TENM2: variants seen among roughly 807,000 people sequenced by gnomAD.
TENM2 encodes the protein teneurin-2.
A neutral mutation model predicts 245.2 loss-of-function variants in TENM2; 52 were observed. The observed-to-expected ratio is 0.21, with a 90% CI of 0.17 to 0.27. The LOEUF (loss-of-function observed/expected upper bound fraction) is 0.27, where lower values mean the gene tolerates loss of function less well. Among genes scored for constraint, TENM2 ranks in the 10% least tolerant of loss-of-function variants. TENM2 has a pLI of 1.00. For missense variants in TENM2, 3,046 were observed against 3,666.8 expected (o/e 0.83, Z 4.37); for synonymous variants, 1,363 against 1,438.9 (o/e 0.95, Z 1.19).
At chr5:167,560,610 A>G (rs1773524879) in intron 2 of TENM2, among the ~76,000 whole-genome samples, 1 of 152,162 alleles carries the variant, frequency 6.6e-6, no homozygotes, top group Non-Finnish European at 1.5e-5. Flanking sequence ...AGTTGCCATA[A>G]CTGTAAAATG....
At chr5:168,061,226 A>G (rs1790011694) in intron 6 of TENM2, among the ~76,000 whole-genome samples, 1 of 152,078 alleles carries the variant, frequency 6.6e-6, no homozygotes, top group Admixed American at 6.6e-5. Flanking sequence ...TTTTTTCCCC[A>G]TTTTAGAGAT....
At chr5:167,956,877 T>C (rs531613033) in intron 4 of TENM2, among the ~76,000 whole-genome samples, 4 of 152,340 alleles carry the variant, frequency 2.6e-5, no homozygotes, top group African/African-American at 9.6e-5. Context: ...AGTTTGCCAG[T>C]ATTTTATTGA....
the TENM2 span, among the ~76,000 whole-genome samples, chr5:167,108,108 T>C: frequency 6.6e-6 from 1 of 152,312 alleles, no homozygotes; most frequent in South Asian, 2.1e-4. Flanking sequence ...TCTCTCTTAC[T>C]TGACTGTGAG....
At chr5:167,445,336 T>TATATATATATATAGAGAGAGAGAGAG (rs368881390) in intron 2 of TENM2, among the ~76,000 whole-genome samples, 2 of 77,306 alleles carry the variant, frequency 2.6e-5, no homozygotes, top group African/African-American at 5.5e-5. Flanking sequence ...TATATATATA[T>TATATATATATATAGAGAGAGAGAGAG]AGAGAGAGAG....
At chr5:167,284,549 A>G (rs1771225780), upstream of TENM2, among the ~76,000 whole-genome samples, 1 of 152,168 alleles carries the variant, frequency 6.6e-6, no homozygotes, top group South Asian at 2.1e-4. Flanking sequence ...TTTTTTCCAA[A>G]TCTATTAAAT....
chr5:167,417,185 C>G (rs1483317214), intron 2 of TENM2, among the ~76,000 whole-genome samples: 2 of 152,152 alleles, frequency 1.3e-5, no homozygotes, highest in Non-Finnish European at 2.9e-5. Flanking sequence ...GTCACTTCTT[C>G]ATTTCTGTGT....
At chr5:167,629,619 A>G (rs1172898626) in intron 2 of TENM2, among the ~76,000 whole-genome samples, 1 of 152,178 alleles carries the variant, frequency 6.6e-6, no homozygotes. Flanking sequence ...GTGTTTTCAA[A>G]CTCTGAACAC....
At chr5:167,545,710 T>C (rs1183313074) in intron 2 of TENM2, among the ~76,000 whole-genome samples, 1 of 152,216 alleles carries the variant, frequency 6.6e-6, no homozygotes, top group Non-Finnish European at 1.5e-5. Context: ...GTTTGTGAAC[T>C]TTTACAAAGC....
the TENM2 span, among the ~76,000 whole-genome samples, chr5:167,057,745 TAAG>T: frequency 1.3e-5 from 2 of 152,200 alleles, no homozygotes; most frequent in Non-Finnish European, 2.9e-5. Context: ...CAGACCTTGT[TAAG>T]AAGAACAGAA....
the TENM2 span, among the ~76,000 whole-genome samples, chr5:167,257,830 G>T: frequency 6.6e-6 from 1 of 152,038 alleles, no homozygotes; most frequent in South Asian, 2.1e-4. Flanking sequence ...AATATGTCAA[G>T]AATGACAAAA....
intron 2 of TENM2, among the ~76,000 whole-genome samples, chr5:167,490,256 T>G (rs1379363965): frequency 6.6e-6 from 1 of 152,152 alleles, no homozygotes; most frequent in Admixed American, 6.5e-5. Context: ...TATAATAAGT[T>G]TTTTTAAATA....
chr5:168,070,848 G>GAGGAAGGAAGGAAGGACGGGAGGGAAGAA (rs1790953044), intron 7 of TENM2, among the ~76,000 whole-genome samples: 1 of 149,692 alleles, frequency 6.7e-6, no homozygotes, highest in Non-Finnish European at 1.5e-5. Flanking sequence ...AAGAAAAAGA[G>GAGGAAGGAAGGAAGGACGGGAGGGAAGAA]AGGAAGGAAG....
intron 2 of TENM2, among the ~76,000 whole-genome samples, chr5:167,419,358 A>T (rs994665462): frequency 1.4e-4 from 22 of 152,186 alleles, no homozygotes; most frequent in African/African-American, 5.3e-4. Context: ...GCTACTTGGG[A>T]GGCTGAGGCA....
In TENM2 at chr5:168,218,378, A is replaced by G. The variant is rs765442029; in HGVS notation, c.4487A>G (p.Lys1496Arg). 2.5e-6 allele frequency: 4 copies of G among 1,614,066 alleles called. No homozygotes were observed. In the Admixed American group the frequency reaches 6.7e-5, roughly 27 times the overall value. Reference sequence around the variant, plus strand: ...CTCTACATCACTGAGACAGATGAGAAGAAGATTAACCGTCTACGCCAGGTA... The same window carrying G: ...CTCTACATCACTGAGACAGATGAGAGGAAGATTAACCGTCTACGCCAGGTA... Residue 1496 changes from lysine (K) to arginine (R), a missense_variant, in exon 23 of 29, where the codon AAG (lysine) becomes AGG (arginine). By Grantham distance (26) the Lys-to-Arg change is conservative. Transcript: ENST00000518659. The surrounding 1 kb of genome is among the most constrained non-coding windows in gnomAD (Gnocchi z 5.2).
chr5:167,780,363 G>A (rs1040144259), intron 2 of TENM2, among the ~76,000 whole-genome samples: 3 of 152,150 alleles, frequency 2.0e-5, no homozygotes, highest in East Asian at 3.9e-4. Flanking sequence ...GTTGCCCAAC[G>A]TGCACAGTCC....
At chr5:167,570,847 G>C (rs1774222082) in intron 2 of TENM2, among the ~76,000 whole-genome samples, 1 of 152,194 alleles carries the variant, frequency 6.6e-6, no homozygotes. Context: ...AATGATTGTG[G>C]TGGGGGAAGA....
At chr5:167,579,115 A>G (rs1332351885) in intron 2 of TENM2, among the ~76,000 whole-genome samples, 2 of 152,148 alleles carry the variant, frequency 1.3e-5, no homozygotes, top group African/African-American at 2.4e-5. Flanking sequence ...TTTTAATACT[A>G]TCAGAGATGG....
chr5:167,744,103 T>C (rs73801367), intron 2 of TENM2, among the ~76,000 whole-genome samples: 6 of 152,200 alleles, frequency 3.9e-5, no homozygotes, highest in Non-Finnish European at 8.8e-5. Flanking sequence ...ACAGAATCTG[T>C]TTATTCAGCC....
intron 25 of TENM2, among the ~76,000 whole-genome samples, chr5:168,231,966 C>T (rs573840243): frequency 6.6e-6 from 1 of 152,010 alleles, no homozygotes; most frequent in Non-Finnish European, 1.5e-5. Context: ...ATTCGGGAGG[C>T]CAAGGCAGGA....
Sources: gnomAD v4.1 joint callset for allele counts (sites outside exome capture counted in the v4.1 genomes callset) on GRCh38, gnomAD v4.1.1 for gene constraint, Gnocchi (gnomAD v3.1) non-coding constraint, MANE v1.5 for transcripts, NCBI Gene and HGNC (gene_info 2026-07-23, HGNC 2026-07-21) for gene names.